ANKRD30A: variants seen among roughly 807,000 people sequenced by gnomAD.
ANKRD30A encodes the protein ankyrin repeat domain-containing protein 30A.
A neutral mutation model predicts 166.3 loss-of-function variants in ANKRD30A; 170 were observed. That is an observed-to-expected ratio of 1.02 (90% confidence interval 0.90 to 1.16). The LOEUF is 1.16. ANKRD30A is among the 50% of genes most tolerant of loss of function. The pLI is 0.00. For synonymous variants in ANKRD30A, 564 were observed against 508.9 expected (o/e 1.11, Z -1.46); for missense variants, 1,630 against 1,518.0 (o/e 1.07, Z -1.23).
intron 15 of ANKRD30A, among the ~76,000 whole-genome samples, chr10:37,159,007 CT>C (rs201641324): frequency 2.6e-5 from 4 of 151,378 alleles, no homozygotes; most frequent in Admixed American, 6.6e-5. Flanking sequence ...AGAAAATCAG[CT>C]TTTTTTTTGA....
At chr10:37,138,498 C>G (rs1456058398) in intron 6 of ANKRD30A, among the ~76,000 whole-genome samples, 1 of 152,062 alleles carries the variant, frequency 6.6e-6, no homozygotes, top group Non-Finnish European at 1.5e-5. Flanking sequence ...AGATGAATGG[C>G]TAACTAGAAT....
chr10:37,208,770 T>C (rs1623321), intron 31 of ANKRD30A, among the ~76,000 whole-genome samples: 56,693 of 151,918 alleles, frequency 0.37, 10,895 homozygotes, highest in Admixed American at 0.42. Flanking sequence ...TCCAAGGTGA[T>C]AACATGTCTC....
intron 21 of ANKRD30A, among the ~76,000 whole-genome samples, chr10:37,171,335 A>G (rs1183348963): frequency 1.7e-3 from 242 of 143,740 alleles, no homozygotes; most frequent in Admixed American, 0.014. Context: ...CTGAAGTGGG[A>G]GTATTTACTG....
Position 37,193,240 on chromosome 10 carries a change from A to G in ANKRD30A, c.2596A>G (p.Met866Val), listed in dbSNP as rs373639845. The change falls in exon 27 of 36, where the codon ATG (methionine) becomes GTG (valine). Residue 866 changes from methionine (M) to valine (V), a missense_variant. This residue lies in a region of ANKRD30A where 712 missense variants were observed against 629.3 expected (regional missense o/e 1.13). Transcript: ENST00000361713. Reference protein sequence around the residue: ...IPTKALELMDMQTFKAEPPEK... With the variant: ...IPTKALELMDVQTFKAEPPEK... ...AACTAAAGCCTTAGAATTGATGGAC[A>G]TGCAAACTTTCAAAGCAGGTAAATT... 2 of 1,611,424 alleles carry G rather than the reference A, an allele frequency of 1.2e-6. No homozygotes were observed. The highest frequency in any genetic ancestry group is 2.2e-5 in the East Asian group (1 of 44,620).
chr10:37,134,474 T>C (rs772481239), intron 5 of ANKRD30A, among the ~76,000 whole-genome samples: 1 of 152,218 alleles, frequency 6.6e-6, no homozygotes, highest in Non-Finnish European at 1.5e-5. Context: ...TGTTGTTGCA[T>C]TGTTGCCACT....
chr10:37,166,801 C>G, intron 19 of ANKRD30A, 106 bp downstream of exon 19: 1 of 1,495,246 alleles, frequency 6.7e-7, no homozygotes, highest in Non-Finnish European at 8.9e-7. Context: ...TAAATGCAAA[C>G]CATGGAAAAA....
At chr10:37,138,016 C>T (rs992350400) in intron 6 of ANKRD30A, among the ~76,000 whole-genome samples, 1 of 152,162 alleles carries the variant, frequency 6.6e-6, no homozygotes, top group Non-Finnish European at 1.5e-5. Context: ...CCCGGGTACT[C>T]CTCTGAGACA....
intron 12 of ANKRD30A, 147 bp downstream of exon 12, chr10:37,152,268 T>C: frequency 1.5e-6 from 1 of 688,222 alleles, no homozygotes; most frequent in Non-Finnish European, 2.4e-6. Flanking sequence ...TAATGGAGAA[T>C]CTATGTGCTA....
At chr10:37,167,013 A>G (rs1001664068) in intron 19 of ANKRD30A, among the ~76,000 whole-genome samples, 1 of 152,128 alleles carries the variant, frequency 6.6e-6, no homozygotes, top group African/African-American at 2.4e-5. Context: ...GAGTACATGA[A>G]GGAACAAGAA....
intron 17 of ANKRD30A, 126 bp from the exon 18 acceptor site, chr10:37,164,968 A>C (rs1054186807): frequency 9.8e-7 from 1 of 1,020,030 alleles, no homozygotes; most frequent in African/African-American, 1.6e-5. Context: ...TGTAATCAAC[A>C]AAAAGAACAT....
chr10:37,164,532 C>T (rs2132603648), intron 17 of ANKRD30A, among the ~76,000 whole-genome samples: 1 of 152,162 alleles, frequency 6.6e-6, no homozygotes, highest in Non-Finnish European at 1.5e-5. Flanking sequence ...TAAAGCTTAT[C>T]TTCCTAAAGC....
chr10:37,253,032 A>G, the ANKRD30A span, among the ~76,000 whole-genome samples: 1 of 152,228 alleles, frequency 6.6e-6, no homozygotes. Flanking sequence ...CATAACTGCA[A>G]AATTTGATTT....
intron 24 of ANKRD30A, among the ~76,000 whole-genome samples, chr10:37,179,057 T>TAG (rs1839985965): frequency 2.9e-5 from 4 of 136,018 alleles, no homozygotes; most frequent in Non-Finnish European, 6.3e-5. Flanking sequence ...TATATATATA[T>TAG]ATATATAGAT....
chr10:37,230,068 A>G (rs2132765284), intron 34 of ANKRD30A, among the ~76,000 whole-genome samples: 1 of 152,130 alleles, frequency 6.6e-6, no homozygotes, highest in Middle Eastern at 3.4e-3. Context: ...AGAGAGCATG[A>G]TATTGTTTCA....
the ANKRD30A span, among the ~76,000 whole-genome samples, chr10:37,245,211 T>C: frequency 6.6e-6 from 1 of 152,118 alleles, no homozygotes; most frequent in Non-Finnish European, 1.5e-5. Flanking sequence ...TCACAAATTT[T>C]ATTTTTATAT....
chr10:37,192,980 A>T, intron 25 of ANKRD30A, 84 bp from the exon 26 acceptor site: 1 of 1,490,510 alleles, frequency 6.7e-7, no homozygotes. Flanking sequence ...ATGAGGATTC[A>T]TCTTCATGTT....
In ANKRD30A at chr10:37,217,848, A is replaced by G. The variant is rs879077630; in HGVS notation, c.3237A>G (p.Glu1079=). The G allele has an allele frequency of 1.3e-6, 2 of 1,582,160 alleles. No homozygotes were observed. Among genetic ancestry groups the G allele is most frequent in the Non-Finnish European group, 1.7e-6 (2 of 1,167,324 alleles). Residue 1079 remains glutamate, a synonymous_variant, in exon 33 of 36, where the codon GAA becomes GAG. Coordinates refer to ENST00000361713, the MANE Select transcript of ANKRD30A (RefSeq NM_052997.3). The stretch of plus-strand genomic sequence containing the variant: ...AGGCTCTCAGAATACAAGATATAGA[A>G]TTGAAGAGTGTAGAAAGTAATTTGA... The part of the protein sequence containing the change: ...LEQALRIQDI[E]LKSVESNLNQ...
At chr10:37,171,089 G>A (rs1839529915) in intron 21 of ANKRD30A, among the ~76,000 whole-genome samples, 1 of 87,150 alleles carries the variant, frequency 1.1e-5, no homozygotes, top group South Asian at 2.8e-4. Context: ...CAGGCATGAG[G>A]CACCGTGCCC....
At chr10:37,172,202 G>A (rs1306629635) in intron 21 of ANKRD30A, among the ~76,000 whole-genome samples, 1 of 98,578 alleles carries the variant, frequency 1.0e-5, no homozygotes, top group East Asian at 2.3e-4. Flanking sequence ...AAAATTAGCC[G>A]GACGTGGTGG....
Sources: gnomAD v4.1 joint callset for allele counts (sites outside exome capture counted in the v4.1 genomes callset) on GRCh38, gnomAD v4.1.1 for gene constraint, gnomAD v4.1.1 regional missense constraint, MANE v1.5 for transcripts, NCBI Gene and HGNC (gene_info 2026-07-23, HGNC 2026-07-21) for gene names.